Variants in FCHSD2 observed in about 807,000 individuals in gnomAD.
FCHSD2 encodes the protein F-BAR and double SH3 domains protein 2.
FCHSD2 carries 38 observed loss-of-function variants against 108.1 expected under a neutral mutation model. The observed-to-expected ratio is 0.35, with a 90% CI of 0.27 to 0.46. The LOEUF is 0.46. Among genes scored for constraint, FCHSD2 ranks in the 20% least tolerant of loss-of-function variants. The probability of loss-of-function intolerance (pLI) is 1.00; values close to 1 mark genes in which losing one functional copy is unlikely to be tolerated. For missense variants in FCHSD2, 751 were observed against 897.8 expected (o/e 0.84, Z 2.09); for synonymous variants, 279 against 314.7 (o/e 0.89, Z 1.20).
At chr11:72,987,830 A>G (rs1204471890) in intron 6 of FCHSD2, among the ~76,000 whole-genome samples, 3 of 152,228 alleles carry the variant, frequency 2.0e-5, no homozygotes, top group Admixed American at 2.0e-4. Flanking sequence ...CTATGACAGT[A>G]TATTCCCAAT....
chr11:72,921,199 C>A (rs1200635418), intron 9 of FCHSD2, among the ~76,000 whole-genome samples: 4 of 152,190 alleles, frequency 2.6e-5, no homozygotes, highest in Non-Finnish European at 5.9e-5. Context: ...AAACATTTGC[C>A]AACCACAGGA....
Position 72,989,117 on chromosome 11 carries a change from A to G in FCHSD2, c.388-20T>C, listed in dbSNP as rs758791283. The G allele has an allele frequency of 8.8e-6, 14 of 1,587,198 alleles. No homozygotes were observed. The highest frequency in any genetic ancestry group is 1.3e-5 in the African/African-American group (1 of 74,166). On this transcript the variant is annotated intron_variant, in intron 5 of 19. Coordinates refer to ENST00000409418, the MANE Select transcript of FCHSD2 (RefSeq NM_014824.3). ...CACACACTGTAAAATACAAAAGTAC[A>G]ATCATTATGATTTTAGTTTTCAGGC... is the stretch of plus-strand genomic sequence containing the variant.
At chr11:73,139,137 T>A (rs1222638078) in intron 2 of FCHSD2, among the ~76,000 whole-genome samples, 1 of 152,212 alleles carries the variant, frequency 6.6e-6, no homozygotes, top group African/African-American at 2.4e-5. Flanking sequence ...TTCTTGAAAC[T>A]AAAATCTTTG....
chr11:72,922,006 A>G, intron 8 of FCHSD2, 56 bp from the exon 9 acceptor site: 3 of 1,305,318 alleles, frequency 2.3e-6, no homozygotes, highest in Non-Finnish European at 3.2e-6. Context: ...TTGACATATG[A>G]TATCTTCTGC....
At chr11:73,104,764 TCAC>T (rs1860302310) in intron 2 of FCHSD2, among the ~76,000 whole-genome samples, 1 of 151,668 alleles carries the variant, frequency 6.6e-6, no homozygotes, top group African/African-American at 2.4e-5. Context: ...AGACGGGGTT[TCAC>T]CACCAGGCCA....
rs547325925 is a variant in FCHSD2, at chr11:73,119,040, G to A, written c.119+20991C>T. Among the ~76,000 whole-genome samples the A allele has an allele frequency of 1.2e-3, 184 of 152,212 alleles. 1 individual carries two copies. Among genetic ancestry groups the A allele is most frequent in the African/African-American group, 4.1e-3 (171 of 41,538 alleles). The stretch of plus-strand genomic sequence containing the variant: ...CTAAAGGCCAGGCGCGGTGACTCAC[G>A]TCTGTAATCCTACCACTTTGGGAGG... On this transcript the variant is annotated intron_variant, in intron 2 of 19. Coordinates refer to ENST00000409418, the MANE Select transcript of FCHSD2 (RefSeq NM_014824.3).
intron 2 of FCHSD2, among the ~76,000 whole-genome samples, chr11:73,120,476 T>C (rs978450944): frequency 4.6e-5 from 7 of 152,160 alleles, no homozygotes; most frequent in African/African-American, 1.7e-4. Flanking sequence ...ACACCCGTAA[T>C]CCTGGCACTT....
At chr11:72,931,525 G>C (rs1254564085) in intron 8 of FCHSD2, among the ~76,000 whole-genome samples, 2 of 151,626 alleles carry the variant, frequency 1.3e-5, no homozygotes, top group African/African-American at 2.4e-5. Flanking sequence ...CCAGCACTTT[G>C]GGAGGCCAAG....
At chr11:72,950,212 T>G (rs1039873431) in intron 8 of FCHSD2, among the ~76,000 whole-genome samples, 1 of 152,236 alleles carries the variant, frequency 6.6e-6, no homozygotes, top group Admixed American at 6.5e-5. Flanking sequence ...TATTGAATTG[T>G]AAAGCTTCTT....
At chr11:73,141,072 C>T (rs1861235393) in intron 1 of FCHSD2, 1 of 152,284 alleles carries the variant, frequency 6.6e-6, no homozygotes, top group Non-Finnish European at 1.5e-5. Context: ...ATTCAGTATC[C>T]ATCTGTAGGA....
At chr11:72,930,155 A>T (rs1300378474) in intron 8 of FCHSD2, among the ~76,000 whole-genome samples, 1 of 152,208 alleles carries the variant, frequency 6.6e-6, no homozygotes, top group African/African-American at 2.4e-5. Flanking sequence ...AAAAGCACTT[A>T]GGGCATATAA....
chr11:72,997,084 T>C (rs1163850421), intron 5 of FCHSD2, among the ~76,000 whole-genome samples: 1 of 152,088 alleles, frequency 6.6e-6, no homozygotes, highest in Non-Finnish European at 1.5e-5. Flanking sequence ...CTGTATGCAA[T>C]TTCCCCTTGG....
At chr11:73,124,404 T>A (rs893813050) in intron 2 of FCHSD2, among the ~76,000 whole-genome samples, 2 of 151,724 alleles carry the variant, frequency 1.3e-5, no homozygotes, top group African/African-American at 4.8e-5. Context: ...GAACTTAAAG[T>A]ATAATAATAA....
At chr11:73,093,425 T>A (rs1453858441) in intron 2 of FCHSD2, among the ~76,000 whole-genome samples, 2 of 152,116 alleles carry the variant, frequency 1.3e-5, no homozygotes, top group African/African-American at 4.8e-5. Flanking sequence ...ACCTCCAACC[T>A]TGAAGTTGGT....
At chr11:72,871,934 G>A (rs1027829424) in intron 12 of FCHSD2, among the ~76,000 whole-genome samples, 18 of 151,940 alleles carry the variant, frequency 1.2e-4, no homozygotes, top group African/African-American at 3.1e-4. Context: ...TGCTTGGGGA[G>A]TTGATATCAA....
At position 73,093,212 on chromosome 11, in the gene FCHSD2, T is replaced by C. The variant is rs940440684; in HGVS notation, c.120-9472A>G. On this transcript the variant is annotated intron_variant, in intron 2 of 19. Transcript: ENST00000409418. ...AGTTCCACAGAGGACAATGGGAAGCTCTGACTGGAACTCTCTTAGACCCTG... is the reference window on the plus strand; with the variant it reads ...AGTTCCACAGAGGACAATGGGAAGCCCTGACTGGAACTCTCTTAGACCCTG... 4.6e-5 allele frequency among the ~76,000 whole-genome samples: 7 copies of C among 152,346 alleles called. No homozygotes were observed. The South Asian group carries it at 1.2e-3, about 27-fold the overall frequency.
At chr11:73,131,182 G>A (rs1451195935) in intron 2 of FCHSD2, among the ~76,000 whole-genome samples, 1 of 151,450 alleles carries the variant, frequency 6.6e-6, no homozygotes, top group Admixed American at 6.6e-5. Context: ...AGGAGTTGGA[G>A]ACCAGCCCTA....
chr11:73,004,136 A>G (rs977669576), intron 4 of FCHSD2, among the ~76,000 whole-genome samples: 3 of 119,546 alleles, frequency 2.5e-5, no homozygotes, highest in East Asian at 2.6e-4. Flanking sequence ...AAAAAAAAAA[A>G]GGATATCAAG....
At chr11:73,100,887 G>C (rs1490393916) in intron 2 of FCHSD2, among the ~76,000 whole-genome samples, 1 of 140,592 alleles carries the variant, frequency 7.1e-6, no homozygotes, top group African/African-American at 2.7e-5. Flanking sequence ...CCTTAATGCT[G>C]TTTAGAGGTC....
Sources: gnomAD v4.1 joint callset for allele counts (sites outside exome capture counted in the v4.1 genomes callset) on GRCh38, gnomAD v4.1.1 for gene constraint, MANE v1.5 for transcripts, NCBI Gene and HGNC (gene_info 2026-07-23, HGNC 2026-07-21) for gene names.